The following COL28A1 variants were observed in gnomAD, a reference collection of about 807,000 sequenced individuals.
The protein encoded by COL28A1 is collagen alpha-1(XXVIII) chain.
A neutral mutation model predicts 150.2 loss-of-function variants in COL28A1; 161 were observed. The observed-to-expected ratio is 1.07, with a 90% CI of 0.94 to 1.22. The LOEUF (loss-of-function observed/expected upper bound fraction) is 1.22. Ranked by LOEUF, COL28A1 falls within the 50% of genes most tolerant of loss-of-function variation. The pLI, the probability that COL28A1 is intolerant of heterozygous loss-of-function variation, is 0.00. For missense variants in COL28A1, 1,617 were observed against 1,388.3 expected (o/e 1.16, Z -2.62); for synonymous variants, 552 against 469.7 (o/e 1.18, Z -2.26).
intron 19 of COL28A1, among the ~76,000 whole-genome samples, chr7:7,443,901 A>T (rs899148165): frequency 6.6e-6 from 1 of 152,162 alleles, no homozygotes; most frequent in Admixed American, 6.5e-5. Context: ...TTTCCAAAGC[A>T]ATAAGCTCAT....
chr7:7,403,731 A>T (rs894080178), intron 27 of COL28A1, among the ~76,000 whole-genome samples: 2 of 152,232 alleles, frequency 1.3e-5, no homozygotes, highest in African/African-American at 4.8e-5. Flanking sequence ...TAATGAAAAT[A>T]TTCATCTAGG....
At chr7:7,366,469 G>GT (rs1780937816) in intron 33 of COL28A1, among the ~76,000 whole-genome samples, 1 of 152,008 alleles carries the variant, frequency 6.6e-6, no homozygotes, top group African/African-American at 2.4e-5. Context: ...TATTATTTTT[G>GT]TTTTTTTCCT....
intron 30 of COL28A1, among the ~76,000 whole-genome samples, chr7:7,380,368 C>G (rs1465408683): frequency 1.3e-5 from 2 of 152,086 alleles, no homozygotes; most frequent in East Asian, 3.9e-4. Flanking sequence ...TTTTTTGAAA[C>G]AGCTCACCTC....
rs745459229 is a variant in COL28A1 at position 7,370,795 on chromosome 7, G to A, written c.2996C>T (p.Pro999Leu). ...TTCTTCCCCTGACATCCCAAATCCA[G>A]GTTGAGGTGACGATGAACCAAAAAT... Reference protein sequence around the residue: ...VQIFGSSSPQPGFGMSGEELS... With the variant: ...VQIFGSSSPQLGFGMSGEELS... Residue 999 changes from proline to leucine, a missense_variant, in exon 33 of 35, where the codon CCT becomes CTT. By Grantham distance (98) the Pro-to-Leu change is moderately conservative. Coordinates refer to ENST00000399429, the MANE Select transcript of COL28A1 (RefSeq NM_001037763.3). 3 of 1,613,626 alleles carry A rather than the reference G, an allele frequency of 1.9e-6. No homozygotes were observed. Among genetic ancestry groups the A allele is most frequent in the Non-Finnish European group, 2.5e-6 (3 of 1,179,702 alleles).
chr7:7,404,153 C>T (rs1202473234), intron 27 of COL28A1, among the ~76,000 whole-genome samples: 1 of 151,818 alleles, frequency 6.6e-6, no homozygotes, highest in African/African-American at 2.4e-5. Flanking sequence ...GTGGCAGGGC[C>T]AAGCAAATAG....
chr7:7,461,215 A>T (rs755070918), intron 15 of COL28A1, among the ~76,000 whole-genome samples: 26 of 152,216 alleles, frequency 1.7e-4, no homozygotes, highest in Non-Finnish European at 3.5e-4. Context: ...GGAGTAGAGA[A>T]AGCAGCAGGA....
intron 27 of COL28A1, 51 bp from the exon 28 acceptor site, chr7:7,381,663 G>A: frequency 1.4e-6 from 2 of 1,441,302 alleles, no homozygotes; most frequent in Non-Finnish European, 2.0e-6. Context: ...AGGATAGCTT[G>A]GCTATTCTTT....
At chr7:7,475,415 T>G (rs1180639123) in intron 14 of COL28A1, among the ~76,000 whole-genome samples, 1 of 152,190 alleles carries the variant, frequency 6.6e-6, no homozygotes, top group Admixed American at 6.5e-5. Flanking sequence ...AATATTCTGA[T>G]TCTGGGTTCT....
chr7:7,539,828 A>C (rs1212817365), upstream of COL28A1, among the ~76,000 whole-genome samples: 1 of 152,112 alleles, frequency 6.6e-6, no homozygotes, highest in Non-Finnish European at 1.5e-5. Flanking sequence ...GGACTCAATT[A>C]TCTTTTATAT....
rs1788732847 is a variant in COL28A1 at position 7,474,795 on chromosome 7, T to C, written c.1234-126A>G. 16 of 632,496 alleles carry C rather than the reference T, an allele frequency of 2.5e-5. No individual in the cohort carries two copies. In the South Asian group the frequency reaches 2.7e-4, roughly 11 times the overall value. 39.2% of individuals were successfully genotyped at this position (632,496 alleles called of 1,614,324 possible). ...TAAATAAAGCATCCAAAGTCACTGT[T>C]TACTACAAATGGGTAATTCTAATTG... is the stretch of plus-strand genomic sequence containing the variant. On this transcript the variant is annotated intron_variant, in intron 14 of 34. Transcript: ENST00000399429.
the COL28A1 span, among the ~76,000 whole-genome samples, chr7:7,542,120 C>T: frequency 5.9e-5 from 9 of 152,122 alleles, no homozygotes; most frequent in African/African-American, 1.4e-4. Context: ...GAGGCCGAGG[C>T]GGGCAGATCA....
intron 11 of COL28A1, among the ~76,000 whole-genome samples, chr7:7,492,223 G>C (rs1165466088): frequency 6.6e-6 from 1 of 152,014 alleles, no homozygotes; most frequent in Non-Finnish European, 1.5e-5. Context: ...GATTTTGGAA[G>C]GGACACCTAA....
rs371623030 is a variant in COL28A1 at position 7,532,825 on chromosome 7, C to T, written c.51G>A (p.Thr17=). 631 of 1,611,778 alleles carry T rather than the reference C, an allele frequency of 3.9e-4. 2 individuals carry two copies. Among genetic ancestry groups the T allele is most frequent in the Non-Finnish European group, 5.0e-4 (595 of 1,179,172 alleles). Residue 17 remains threonine, a synonymous_variant, in exon 2 of 35, where the codon ACG becomes ACA. Coordinates refer to ENST00000399429, the MANE Select transcript of COL28A1 (RefSeq NM_001037763.3). Reference sequence around the variant, plus strand: ...TTCTTTGTCCGGATACTGTTTGACTCGTAAACGCTGACAAAAGCAGGAGAT... The same window carrying T: ...TTCTTTGTCCGGATACTGTTTGACTTGTAAACGCTGACAAAAGCAGGAGAT... ...VFYLLLLSAF[T]SQTVSGQRKK...
the COL28A1 span, among the ~76,000 whole-genome samples, chr7:7,542,823 A>G: frequency 2.0e-5 from 3 of 152,198 alleles, no homozygotes; most frequent in East Asian, 5.8e-4. Context: ...TATGACACCA[A>G]TGAGAGATAA....
intron 9 of COL28A1, among the ~76,000 whole-genome samples, chr7:7,510,339 C>A (rs1470656694): frequency 1.3e-5 from 2 of 152,138 alleles, no homozygotes; most frequent in Non-Finnish European, 2.9e-5. Context: ...GGCTGGAGTG[C>A]AGTGGCACGA....
chr7:7,407,498 C>T (rs757649338), intron 27 of COL28A1, among the ~76,000 whole-genome samples: 15 of 152,016 alleles, frequency 9.9e-5, no homozygotes, highest in African/African-American at 3.4e-4. Context: ...GATAACTTCT[C>T]GAGAGCGATA....
At chr7:7,420,267 C>G (rs1562597608) in intron 25 of COL28A1, 1 of 181,966 alleles carries the variant, frequency 5.5e-6, no homozygotes, top group Non-Finnish European at 1.1e-5. Context: ...TAAAAAACAA[C>G]CATTAAGAAA....
Position 7,373,592 on chromosome 7 carries a change from A to G in COL28A1, c.2360-46T>C. ...GAGAAAAATTGTGGGAATGATTGAC[A>G]TCAGATTGTTGAGGGGAGGGGAGAA... On this transcript the variant is annotated intron_variant, in intron 31 of 34. Coordinates refer to ENST00000399429, the MANE Select transcript of COL28A1 (RefSeq NM_001037763.3). This position sits in a 1 kb window ranked among gnomAD's most constrained non-coding sequence, Gnocchi z 4.1. The G allele has an allele frequency of 6.5e-7, 1 of 1,532,008 alleles. No individual in the cohort carries two copies. 94.9% of individuals were successfully genotyped at this position (1,532,008 alleles called of 1,614,324 possible). A position where few individuals can be genotyped will look rare whatever the true frequency, so the allele number is the denominator to read the frequency against.
rs2128288679 is a variant in COL28A1 at position 7,380,709 on chromosome 7, GAAGAGT to G, written c.2287-20_2287-15del. 3.7e-6 allele frequency: 6 copies of G among 1,613,530 alleles called. No homozygotes were observed. In the East Asian group the frequency reaches 1.3e-4, roughly 36 times the overall value. ...TCCTTGTAAACCCTACTTAGTGGAA[GAAGAGT>G]AAAAGTCAATATAGGTTGGAACCAG... On this transcript the variant is annotated splice_polypyrimidine_tract_variant and intron_variant, in intron 29 of 34. Coordinates refer to ENST00000399429, the MANE Select transcript of COL28A1 (RefSeq NM_001037763.3).
Sources: gnomAD v4.1 joint callset for allele counts (sites outside exome capture counted in the v4.1 genomes callset) on GRCh38, gnomAD v4.1.1 for gene constraint, Gnocchi (gnomAD v3.1) non-coding constraint, MANE v1.5 for transcripts, NCBI Gene and HGNC (gene_info 2026-07-23, HGNC 2026-07-21) for gene names.